The following SAMD4A variants were observed in gnomAD, a reference collection of about 807,000 sequenced individuals.
SAMD4A encodes the protein protein Smaug homolog 1.
A neutral mutation model predicts 81.3 loss-of-function variants in SAMD4A; 33 were observed. The ratio of observed to expected loss-of-function variants is 0.41; its 90% CI spans 0.31 to 0.54. The LOEUF is 0.54. Ranked by LOEUF, SAMD4A falls within the 20% of genes least tolerant of loss-of-function variation. The probability of loss-of-function intolerance (pLI) is 0.37; values close to 1 mark genes in which losing one functional copy is unlikely to be tolerated. For missense variants in SAMD4A, 854 were observed against 951.1 expected, an observed-to-expected ratio of 0.90 and a Z score of 1.34; for synonymous variants, 389 against 382.1, an observed-to-expected ratio of 1.02 and a Z score of -0.21.
At chr14:54,598,894 C>T (rs1425225102) in intron 2 of SAMD4A, among the ~76,000 whole-genome samples, 3 of 151,954 alleles carry the variant, frequency 2.0e-5, no homozygotes, top group African/African-American at 7.3e-5. Context: ...GATTTCAGCT[C>T]ACTGCAGCCT....
chr14:54,580,992 A>ATGT (rs1219898190), intron 2 of SAMD4A, among the ~76,000 whole-genome samples: 1 of 152,234 alleles, frequency 6.6e-6, no homozygotes, highest in Admixed American at 6.5e-5. Context: ...GCTGTTACCA[A>ATGT]GATACATGTG....
At chr14:54,643,016 A>T (rs1193986094) in intron 2 of SAMD4A, among the ~76,000 whole-genome samples, 1 of 152,206 alleles carries the variant, frequency 6.6e-6, no homozygotes, top group African/African-American at 2.4e-5. Context: ...CAACTTGCTG[A>T]TTCAGCTCCG....
At chr14:54,669,282 T>C (rs74049376) in intron 2 of SAMD4A, among the ~76,000 whole-genome samples, 3,323 of 152,184 alleles carry the variant, frequency 0.022, 103 homozygotes, top group African/African-American at 0.073. Flanking sequence ...AAGCTGCTGC[T>C]GTCCTCCTTG....
intron 10 of SAMD4A, among the ~76,000 whole-genome samples, 164 bp from the exon 11 acceptor site, chr14:54,776,250 A>G (rs1332241749): frequency 6.6e-6 from 1 of 152,112 alleles, no homozygotes; most frequent in Non-Finnish European, 1.5e-5. Context: ...TGGAATCTAA[A>G]CCCTCTCTCT....
intron 3 of SAMD4A, among the ~76,000 whole-genome samples, chr14:54,704,161 T>C (rs867044277): frequency 3.9e-5 from 6 of 152,352 alleles, no homozygotes; most frequent in Middle Eastern, 3.4e-3. Flanking sequence ...TAATTTATTA[T>C]ATAAGAGGTT....
At chr14:54,573,217 G>A (rs1196056361) in intron 2 of SAMD4A, among the ~76,000 whole-genome samples, 1 of 152,166 alleles carries the variant, frequency 6.6e-6, no homozygotes, top group Non-Finnish European at 1.5e-5. Context: ...TGTACTCTTT[G>A]TTGTGAATAA....
intron 9 of SAMD4A, among the ~76,000 whole-genome samples, chr14:54,770,588 C>T (rs1052613835): frequency 6.6e-6 from 1 of 152,030 alleles, no homozygotes; most frequent in African/African-American, 2.4e-5. Flanking sequence ...TTCTATCAAT[C>T]AGCACCTTAA....
At chr14:54,566,481 G>A (rs1156859619), upstream of SAMD4A, among the ~76,000 whole-genome samples, 1 of 151,770 alleles carries the variant, frequency 6.6e-6, no homozygotes, top group Non-Finnish European at 1.5e-5. Flanking sequence ...CCCCGCCGGC[G>A]GCGGCCACGA....
chr14:54,669,221 G>A (rs1036483316), intron 2 of SAMD4A, among the ~76,000 whole-genome samples: 3 of 152,090 alleles, frequency 2.0e-5, no homozygotes, highest in Non-Finnish European at 4.4e-5. Flanking sequence ...CACAGCTAAG[G>A]TACTGTTCAG....
At chr14:54,719,098 A>C (rs2037196916) in intron 3 of SAMD4A, among the ~76,000 whole-genome samples, 1 of 152,118 alleles carries the variant, frequency 6.6e-6, no homozygotes, top group Admixed American at 6.6e-5. Context: ...TAGAACAGCC[A>C]GCTTAGACTC....
intron 9 of SAMD4A, 48 bp downstream of exon 9, chr14:54,770,270 C>A: frequency 7.8e-7 from 1 of 1,283,602 alleles, no homozygotes; most frequent in Non-Finnish European, 1.1e-6. Flanking sequence ...TCCCCTGGCG[C>A]CTTGTTGCCT....
intron 3 of SAMD4A, among the ~76,000 whole-genome samples, chr14:54,719,721 A>T (rs720070): frequency 0.062 from 9,437 of 152,230 alleles, 476 homozygotes; most frequent in African/African-American, 0.13. Context: ...TACCTGTGTG[A>T]CCTTGGAGAA....
At chr14:54,627,047 T>C (rs1265439656) in intron 2 of SAMD4A, among the ~76,000 whole-genome samples, 7 of 152,364 alleles carry the variant, frequency 4.6e-5, no homozygotes, top group Middle Eastern at 3.4e-3. Flanking sequence ...AATCTTATTC[T>C]GTAATTCTAA....
At chr14:54,568,143 C>T in intron 2 of SAMD4A, 31 bp downstream of exon 2, 1 of 1,448,372 alleles carries the variant, frequency 6.9e-7, no homozygotes, top group Non-Finnish European at 9.0e-7. Context: ...GCCGCCGTCC[C>T]GCCTGCCCAA....
intron 2 of SAMD4A, among the ~76,000 whole-genome samples, chr14:54,633,437 G>A (rs914434309): frequency 3.3e-5 from 5 of 152,220 alleles, no homozygotes; most frequent in Non-Finnish European, 7.3e-5. Context: ...TAGGTGCAAT[G>A]GAAGCCATTA....
At chr14:54,787,771 G>A (rs999822857) in intron 12 of SAMD4A, among the ~76,000 whole-genome samples, 1 of 152,168 alleles carries the variant, frequency 6.6e-6, no homozygotes, top group Non-Finnish European at 1.5e-5. Flanking sequence ...CCTCTTAACT[G>A]GTCCACCTGC....
chr14:54,642,077 C>T (rs562634135), intron 2 of SAMD4A, among the ~76,000 whole-genome samples: 78 of 152,234 alleles, frequency 5.1e-4, no homozygotes, highest in Non-Finnish European at 9.7e-4. Flanking sequence ...GGATTACAGG[C>T]GTGAGCCACT....
At chr14:54,652,184 G>A (rs1027337787) in intron 2 of SAMD4A, among the ~76,000 whole-genome samples, 1 of 152,182 alleles carries the variant, frequency 6.6e-6, no homozygotes. Context: ...AGTAGCCTGG[G>A]AATCATGGCA....
At chr14:54,742,745 G>T (rs969859590) in intron 4 of SAMD4A, among the ~76,000 whole-genome samples, 39 of 152,302 alleles carry the variant, frequency 2.6e-4, no homozygotes, top group African/African-American at 8.9e-4. Context: ...GCACACAAAT[G>T]TAGAAGTCAT....
Sources: allele counts gnomAD v4.1 joint callset (sites outside exome capture counted in the v4.1 genomes callset), GRCh38; gene constraint gnomAD v4.1.1; transcripts MANE v1.5; gene names NCBI Gene and HGNC (gene_info 2026-07-23, HGNC 2026-07-21).